Variants in TENM1 observed in about 807,000 individuals in gnomAD.
TENM1 encodes the protein teneurin-1.
In TENM1, 35 loss-of-function variants were observed where a neutral mutation model predicts 174.8. The observed-to-expected ratio is 0.20, with a 90% CI of 0.15 to 0.27. The LOEUF (loss-of-function observed/expected upper bound fraction) is 0.27. TENM1 is among the 10% of genes least tolerant of loss of function. The probability of loss-of-function intolerance (pLI) is 1.00; values close to 1 mark genes in which losing one functional copy is unlikely to be tolerated. For synonymous variants in TENM1, 781 were observed against 798.7 expected, an observed-to-expected ratio of 0.98 and a Z score of 0.37; for missense variants, 1,633 against 2,130.1, an observed-to-expected ratio of 0.77 and a Z score of 4.59.
intron 25 of TENM1, among the ~76,000 whole-genome samples, chrX:124,410,603 A>C (rs141401546): frequency 2.4e-3 from 263 of 111,750 alleles, no homozygotes; most frequent in Non-Finnish European, 4.4e-3. Flanking sequence ...AACGGGAGAA[A>C]ATTTTTGCAA....
In TENM1 at chrX:124,734,044, T is replaced by C. The variant is rs767138998; in HGVS notation, c.776+2913A>G. 3.6e-5 allele frequency among the ~76,000 whole-genome samples: 4 copies of C among 111,839 alleles called. No individual in the cohort carries two copies. The East Asian group carries it at 1.1e-3, about 31-fold the overall frequency. On this transcript the variant is annotated intron_variant, in intron 4 of 31. Coordinates refer to ENST00000422452, the Ensembl canonical transcript of TENM1. ...CTCTGCAAATGAACTAAAAGTAAAA[T>C]GAGGAAATAACCACTGTTTGAAAAC...
At chrX:124,468,545 C>T (rs965876439) in intron 22 of TENM1, among the ~76,000 whole-genome samples, 2 of 112,451 alleles carry the variant, frequency 1.8e-5, no homozygotes, top group African/African-American at 6.5e-5. Flanking sequence ...TATCCCTATC[C>T]TCTTTTTCCT....
At chrX:124,640,709 C>T (rs1005461300) in intron 11 of TENM1, among the ~76,000 whole-genome samples, 1 of 111,200 alleles carries the variant, frequency 9.0e-6, no homozygotes, top group Admixed American at 9.5e-5. Context: ...GCCTTTAATC[C>T]TGCCACTTTG....
At chrX:124,668,156 T>C in intron 6 of TENM1, among the ~76,000 whole-genome samples, 1 of 111,913 alleles carries the variant, frequency 8.9e-6, no homozygotes, top group Middle Eastern at 4.6e-3. Context: ...AGATTCTGGA[T>C]ATTAGCCCTT....
At position 124,645,125 on chromosome X, in the gene TENM1, T is replaced by C. The variant is rs748991899; in HGVS notation, c.1876+18A>G. The C allele has an allele frequency of 4.2e-6, 5 of 1,198,796 alleles. No individual in the cohort carries two copies. The African/African-American group carries it at 8.8e-5, about 21-fold the overall frequency. On this transcript the variant is annotated intron_variant, in intron 10 of 31. Transcript: ENST00000422452. ...TGAGAGAAAAGCCTGAAGCAATAGATTAAAATGGGATTCTGACCTTCCTCG... is the reference window on the plus strand; with the variant it reads ...TGAGAGAAAAGCCTGAAGCAATAGACTAAAATGGGATTCTGACCTTCCTCG...
chrX:124,620,055 C>T (rs1337990045), intron 11 of TENM1, among the ~76,000 whole-genome samples: 1 of 112,323 alleles, frequency 8.9e-6, no homozygotes, highest in Non-Finnish European at 1.9e-5. Context: ...TATATGCCAT[C>T]ATAAGCTATT....
chrX:124,526,312 A>G lies in TENM1; in HGVS notation c.2772-2687T>C, dbSNP rs747641910. On this transcript the variant is annotated intron_variant, in intron 16 of 31. Transcript: ENST00000422452. Reference sequence around the variant, plus strand: ...TGCCCGACAGATTTCAGACTTGCCAATCCCCACAATCTTATAAGCAAATTC... The same window carrying G: ...TGCCCGACAGATTTCAGACTTGCCAGTCCCCACAATCTTATAAGCAAATTC... Among the ~76,000 whole-genome samples the G allele has an allele frequency of 3.6e-5, 4 of 111,974 alleles. No homozygotes were observed. In the East Asian group the frequency reaches 8.4e-4, roughly 24 times the overall value.
the TENM1 span, among the ~76,000 whole-genome samples, chrX:125,110,918 T>G: frequency 8.9e-6 from 1 of 112,013 alleles, no homozygotes; most frequent in African/African-American, 3.2e-5. Context: ...GGCTGTAAGA[T>G]TGTAAAGAAG....
the TENM1 span, among the ~76,000 whole-genome samples, chrX:125,019,513 A>G: frequency 3.4e-3 from 381 of 111,590 alleles, no homozygotes; most frequent in Middle Eastern, 9.4e-3. Context: ...AAAGTAGCAG[A>G]TATTAAAGAG....
rs750266413 is a variant in TENM1 at position 124,383,936 on chromosome X, G to C, written c.6995C>G (p.Ala2332Gly). Residue 2332 changes from alanine to glycine, a missense_variant, in exon 30 of 32, where the codon GCT becomes GGT. This residue lies in a region of TENM1 where 807 missense variants were observed against 1,125.3 expected (regional missense o/e 0.72). Coordinates refer to ENST00000422452, the Ensembl canonical transcript of TENM1. ...GACCTGACCTCGGCTGCTGAACACA[G>C]CTAGTGGGGTACCTGTATTATCACA... 5 of 1,210,904 alleles carry C rather than the reference G, an allele frequency of 4.1e-6. No individual in the cohort carries two copies. In the South Asian group the frequency reaches 8.8e-5, roughly 21 times the overall value.
chrX:124,664,813 A>G (rs2051710807), intron 6 of TENM1, among the ~76,000 whole-genome samples: 1 of 109,595 alleles, frequency 9.1e-6, no homozygotes. Context: ...AAGGAAGAGT[A>G]CAGTATTTGA....
the TENM1 span, among the ~76,000 whole-genome samples, chrX:125,058,402 C>T: frequency 1.5e-4 from 17 of 111,482 alleles, 1 homozygote; most frequent in East Asian, 2.8e-4. Context: ...TATGGCAATG[C>T]GGCAATAACT....
intron 6 of TENM1, among the ~76,000 whole-genome samples, chrX:124,668,724 A>C (rs973339886): frequency 2.7e-5 from 3 of 110,542 alleles, no homozygotes; most frequent in African/African-American, 9.9e-5. Context: ...GGGGAGGGAT[A>C]GCATTAGGAG....
chrX:125,033,442 A>T, the TENM1 span, among the ~76,000 whole-genome samples: 4 of 111,567 alleles, frequency 3.6e-5, no homozygotes, highest in African/African-American at 1.3e-4. Flanking sequence ...TCTACAGATA[A>T]TCATGTTATC....
intron 11 of TENM1, among the ~76,000 whole-genome samples, chrX:124,578,082 T>C (rs762089756): frequency 3.2e-4 from 32 of 98,495 alleles, no homozygotes; most frequent in African/African-American, 1.1e-3. Context: ...CATGCCACCA[T>C]GCCCAGCTAA....
chrX:124,469,130 G>A (rs756153945), intron 22 of TENM1, among the ~76,000 whole-genome samples: 13 of 111,726 alleles, frequency 1.2e-4, no homozygotes, highest in East Asian at 2.8e-4. Context: ...AATTTTCCAC[G>A]TAAACAGAAT....
the TENM1 span, among the ~76,000 whole-genome samples, chrX:125,085,172 A>G: frequency 2.7e-5 from 3 of 110,157 alleles, no homozygotes; most frequent in Non-Finnish European, 5.7e-5. Flanking sequence ...CTCAGGAAGG[A>G]GACATACAGG....
intron 26 of TENM1, among the ~76,000 whole-genome samples, chrX:124,405,954 CCATGTTGG>C (rs2060457629): frequency 1.9e-5 from 2 of 103,890 alleles, no homozygotes; most frequent in Admixed American, 2.2e-4. Flanking sequence ...TTTTCTTCAC[CCATGTTGG>C]CATTGATCTA....
chrX:124,633,407 T>C (rs898402252), intron 11 of TENM1, among the ~76,000 whole-genome samples: 12 of 111,841 alleles, frequency 1.1e-4, no homozygotes, highest in Admixed American at 6.7e-4. Flanking sequence ...CTCAGACTTA[T>C]AGAGAGGCAG....
Sources: allele counts gnomAD v4.1 joint callset (sites outside exome capture counted in the v4.1 genomes callset), GRCh38; gene constraint gnomAD v4.1.1; regional missense constraint gnomAD v4.1.1; transcripts MANE v1.5; gene names NCBI Gene and HGNC (gene_info 2026-07-23, HGNC 2026-07-21).